ZNF804B: variants seen among roughly 807,000 people sequenced by gnomAD.
ZNF804B encodes zinc finger protein 804B.
ZNF804B carries 80 observed loss-of-function variants against 101.4 expected under a neutral mutation model. The ratio of observed to expected loss-of-function variants is 0.79; its 90% CI spans 0.66 to 0.95. The LOEUF is 0.95. ZNF804B is among the 40% of genes least tolerant of loss of function. The pLI, the probability that ZNF804B is intolerant of heterozygous loss-of-function variation, is 0.00. For missense variants in ZNF804B, 1,673 were observed against 1,561.9 expected, an observed-to-expected ratio of 1.07 and a Z score of -1.20; for synonymous variants, 622 against 558.8, an observed-to-expected ratio of 1.11 and a Z score of -1.59.
intron 1 of ZNF804B, among the ~76,000 whole-genome samples, chr7:89,066,410 T>TCC (rs1789455712): frequency 6.6e-6 from 1 of 151,948 alleles, no homozygotes; most frequent in South Asian, 2.1e-4. Context: ...CTTAAGTATA[T>TCC]AGGGAGTGGA....
At chr7:88,994,584 T>C (rs917302961) in intron 1 of ZNF804B, among the ~76,000 whole-genome samples, 1 of 152,068 alleles carries the variant, frequency 6.6e-6, no homozygotes, top group Non-Finnish European at 1.5e-5. Context: ...TACTATTATA[T>C]ATATTCAGGT....
At chr7:88,814,478 ACACACACACAC>A (rs1790844305) in intron 1 of ZNF804B, among the ~76,000 whole-genome samples, 1 of 143,474 alleles carries the variant, frequency 7.0e-6, no homozygotes, top group Admixed American at 7.5e-5. Flanking sequence ...ACACACACAC[ACACACACACAC>A]ACAGAAAGTT....
At chr7:89,292,025 G>A (rs952908851) in intron 2 of ZNF804B, among the ~76,000 whole-genome samples, 4 of 151,958 alleles carry the variant, frequency 2.6e-5, no homozygotes, top group East Asian at 1.9e-4. Context: ...CATCCTAAAA[G>A]AGTAAAAAAT....
intron 1 of ZNF804B, among the ~76,000 whole-genome samples, chr7:89,097,514 G>A (rs1000681006): frequency 8.5e-5 from 13 of 152,236 alleles, no homozygotes; most frequent in South Asian, 2.1e-4. Context: ...ATTTAAGAGC[G>A]AAGAACCAAG....
intron 2 of ZNF804B, among the ~76,000 whole-genome samples, chr7:89,324,581 A>T (rs1790868705): frequency 1.4e-5 from 2 of 139,696 alleles, no homozygotes; most frequent in South Asian, 2.2e-4. Context: ...TTATTTTATA[A>T]TTGTCCAGTC....
intron 2 of ZNF804B, among the ~76,000 whole-genome samples, chr7:89,250,521 A>G (rs1439307404): frequency 6.6e-6 from 1 of 152,158 alleles, no homozygotes; most frequent in Non-Finnish European, 1.5e-5. Context: ...TACAAATAAG[A>G]GCTGGTACTA....
At chr7:88,997,770 C>T (rs555547610) in intron 1 of ZNF804B, among the ~76,000 whole-genome samples, 2 of 152,240 alleles carry the variant, frequency 1.3e-5, no homozygotes, top group South Asian at 4.1e-4. Flanking sequence ...GAAGTTTTCT[C>T]TGCTAAGGCA....
chr7:89,092,959 G>A (rs556787304), intron 1 of ZNF804B, among the ~76,000 whole-genome samples: 2 of 152,196 alleles, frequency 1.3e-5, no homozygotes, highest in South Asian at 4.1e-4. Context: ...TCCTGAAAGA[G>A]CAAGGGAATA....
chr7:88,928,092 T>C (rs1470287837), intron 1 of ZNF804B, among the ~76,000 whole-genome samples: 1 of 152,132 alleles, frequency 6.6e-6, no homozygotes, highest in Non-Finnish European at 1.5e-5. Flanking sequence ...TGACCAGTCT[T>C]CCAGAAGCTG....
intron 1 of ZNF804B, among the ~76,000 whole-genome samples, chr7:89,164,421 T>C (rs1339124570): frequency 6.6e-6 from 1 of 152,054 alleles, no homozygotes; most frequent in Non-Finnish European, 1.5e-5. Flanking sequence ...CTTAGGTGGA[T>C]TGGTATTTTG....
intron 1 of ZNF804B, among the ~76,000 whole-genome samples, chr7:88,972,787 T>C (rs907342528): frequency 6.6e-6 from 1 of 151,250 alleles, no homozygotes; most frequent in Non-Finnish European, 1.5e-5. Context: ...ATAATTCTTC[T>C]CACTAATAGT....
At chr7:89,144,446 A>G (rs1790761112) in intron 1 of ZNF804B, among the ~76,000 whole-genome samples, 1 of 152,078 alleles carries the variant, frequency 6.6e-6, no homozygotes, top group East Asian at 1.9e-4. Context: ...TTAGCCAGGC[A>G]TAGAAAGAAA....
rs148537204 is a variant in ZNF804B at position 88,933,549 on chromosome 7, C to T, written c.108+173465C>T. Among the ~76,000 whole-genome samples, 943 of 151,960 alleles carry T rather than the reference C, an allele frequency of 6.2e-3. 14 individuals are homozygous for T. Among genetic ancestry groups the T allele is most frequent in the African/African-American group, 0.021 (882 of 41,478 alleles). ...GTATACCTAGAAAACTCTAAAGTTT[C>T]GTTCAAAAAGCTCCTATATCTGATA... On this transcript the variant is annotated intron_variant, in intron 1 of 3. Transcript: ENST00000333190.
chr7:89,128,741 T>A (rs1451153030), intron 1 of ZNF804B, among the ~76,000 whole-genome samples: 1 of 152,054 alleles, frequency 6.6e-6, no homozygotes, highest in African/African-American at 2.4e-5. Context: ...TTTTTCTACT[T>A]CTCTGTGTAA....
At chr7:88,827,745 A>G (rs566251148) in intron 1 of ZNF804B, among the ~76,000 whole-genome samples, 2 of 152,128 alleles carry the variant, frequency 1.3e-5, no homozygotes, top group South Asian at 2.1e-4. Flanking sequence ...AGCATGCCGT[A>G]TTTCCATTAG....
At chr7:89,191,966 G>A (rs1007420811) in intron 1 of ZNF804B, among the ~76,000 whole-genome samples, 1 of 151,888 alleles carries the variant, frequency 6.6e-6, no homozygotes, top group Admixed American at 6.6e-5. Flanking sequence ...TTTTTTGAAT[G>A]AAATAAGAAA....
intron 1 of ZNF804B, among the ~76,000 whole-genome samples, chr7:89,056,090 G>A (rs992389967): frequency 6.6e-6 from 1 of 152,078 alleles, no homozygotes; most frequent in Non-Finnish European, 1.5e-5. Flanking sequence ...GGTTAGAGGA[G>A]CATTGATTCT....
At chr7:89,198,405 CAAT>C (rs1425966047) in intron 1 of ZNF804B, among the ~76,000 whole-genome samples, 1 of 151,742 alleles carries the variant, frequency 6.6e-6, no homozygotes, top group Non-Finnish European at 1.5e-5. Context: ...TTTATGTTTA[CAAT>C]AATATTAATA....
intron 1 of ZNF804B, among the ~76,000 whole-genome samples, chr7:89,190,279 G>A (rs943697501): frequency 6.6e-6 from 1 of 150,708 alleles, no homozygotes; most frequent in African/African-American, 2.5e-5. Context: ...AGGCTGCAGT[G>A]AGCCGAGATC....
Sources: allele counts gnomAD v4.1 joint callset (sites outside exome capture counted in the v4.1 genomes callset), GRCh38; gene constraint gnomAD v4.1.1; transcripts MANE v1.5; gene names NCBI Gene and HGNC (gene_info 2026-07-23, HGNC 2026-07-21).